MRS2: variants seen among roughly 807,000 people sequenced by gnomAD.
MRS2 encodes magnesium transporter MRS2 homolog, mitochondrial.
MRS2 carries 40 observed loss-of-function variants against 52.6 expected under a neutral mutation model. The observed-to-expected ratio is 0.76, with a 90% CI of 0.59 to 0.99. The LOEUF is 0.99. MRS2 is among the 50% of genes least tolerant of loss of function. MRS2 has a pLI of 0.00. For synonymous variants in MRS2, 193 were observed against 195.9 expected (o/e 0.98, Z 0.13); for missense variants, 472 against 532.7 (o/e 0.89, Z 1.12).
At chr6:24,413,736 A>G (rs1352070091) in intron 5 of MRS2, among the ~76,000 whole-genome samples, 1 of 152,244 alleles carries the variant, frequency 6.6e-6, no homozygotes, top group Non-Finnish European at 1.5e-5. Context: ...TTGTTTCCAA[A>G]TAAAAAAATC....
chr6:24,412,500 C>T (rs1761701121), intron 5 of MRS2, 105 bp downstream of exon 5: 2 of 799,406 alleles, frequency 2.5e-6, no homozygotes, highest in South Asian at 3.0e-5. Context: ...CCCCTGACCA[C>T]ATCCTGCCCC....
intron 10 of MRS2, chr6:24,423,358 T>TTA: frequency 4.1e-6 from 2 of 484,648 alleles, no homozygotes; most frequent in Non-Finnish European, 7.3e-6. Context: ...GGTATAAGGT[T>TTA]TGTCATAACC....
chr6:24,406,104 C>A (rs1286048044), intron 2 of MRS2, among the ~76,000 whole-genome samples: 363 of 102,854 alleles, frequency 3.5e-3, no homozygotes, highest in Middle Eastern at 9.8e-3. Context: ...GACTCCATCT[C>A]AAAAAAAAAA....
At chr6:24,404,671 A>G (rs1561804731) in intron 1 of MRS2, among the ~76,000 whole-genome samples, 1 of 152,220 alleles carries the variant, frequency 6.6e-6, no homozygotes, top group East Asian at 1.9e-4. Flanking sequence ...ACTATAAAGG[A>G]TATCTGTAGA....
chr6:24,409,284 C>CT (rs1761574366), intron 3 of MRS2, among the ~76,000 whole-genome samples, 177 bp from the exon 4 acceptor site: 1 of 152,110 alleles, frequency 6.6e-6, no homozygotes, highest in South Asian at 2.1e-4. Context: ...TAGTTTGACT[C>CT]TATTTAGCCC....
At chr6:24,416,341 G>A in intron 6 of MRS2, 56 bp from the exon 7 acceptor site, 1 of 739,488 alleles carries the variant, frequency 1.4e-6, no homozygotes, top group Admixed American at 2.3e-5. Flanking sequence ...ACACTATTAT[G>A]AAATGTTCTT....
chr6:24,414,058 A>G (rs1761755580), intron 5 of MRS2, among the ~76,000 whole-genome samples: 1 of 152,232 alleles, frequency 6.6e-6, no homozygotes, highest in African/African-American at 2.4e-5. Context: ...CACAGGTATT[A>G]CTGAAAGCTT....
intron 2 of MRS2, 120 bp downstream of exon 2, chr6:24,405,361 G>A: frequency 4.2e-6 from 3 of 715,016 alleles, no homozygotes; most frequent in Non-Finnish European, 4.7e-6. Context: ...ATAGCTACAT[G>A]TCGTGGCTGT....
chr6:24,403,279 C>T (rs1440167310), intron 1 of MRS2, 43 bp downstream of exon 1: 3 of 1,539,638 alleles, frequency 1.9e-6, no homozygotes, highest in Non-Finnish European at 2.6e-6. Flanking sequence ...GCTGGTCTTG[C>T]AGTGACCTTA....
Position 24,418,222 on chromosome 6 carries a change from C to T in MRS2, c.975C>T (p.Phe325=). 1 of 1,609,602 alleles carries T rather than the reference C, an allele frequency of 6.2e-7. No homozygotes were observed. Among genetic ancestry groups the T allele is most frequent in the Non-Finnish European group, 8.5e-7 (1 of 1,178,426 alleles). ...TTGATGATTCACAAAGTATTATTTT[C>T]ATTAATCTGGACAGGTAAGAAAGCA... The part of the protein sequence containing the change: ...VLIDDSQSII[F]INLDSHRNVM... The change falls in exon 8 of 11, where the codon TTC becomes TTT. Residue 325 remains phenylalanine (F), a synonymous_variant. Transcript: ENST00000378386.
At chr6:24,417,731 C>G (rs139658180) in intron 7 of MRS2, among the ~76,000 whole-genome samples, 332 of 152,240 alleles carry the variant, frequency 2.2e-3, no homozygotes, top group African/African-American at 7.4e-3. Flanking sequence ...ATCACAAGGT[C>G]AGGAGTTCGA....
Position 24,423,788 on chromosome 6 carries a change from TGA to T in MRS2, c.*95_*96del. The T allele has an allele frequency of 2.0e-6, 1 of 493,874 alleles. No individual in the cohort carries two copies. Among genetic ancestry groups the T allele is most frequent in the African/African-American group, 2.0e-5 (1 of 51,266 alleles). The allele number at this position is 493,874 out of a possible 1,614,324, so 30.6% of individuals were successfully genotyped here. On this transcript the variant is annotated 3_prime_UTR_variant, in exon 11 of 11. Coordinates refer to ENST00000378386, the MANE Select transcript of MRS2 (RefSeq NM_020662.4). ...ATTTTCTTGTATAGAGTCAGACACT[TGA>T]AAAAAACTAATGTTTGAAGACAAAA...
chr6:24,404,926 A>G (rs962950672), intron 1 of MRS2, among the ~76,000 whole-genome samples: 2 of 152,234 alleles, frequency 1.3e-5, no homozygotes, highest in African/African-American at 4.8e-5. Context: ...GGGTGATTGG[A>G]ATCCATCAGT....
At position 24,423,704 on chromosome 6, in the gene MRS2, C is replaced by A. The variant is rs779571609; in HGVS notation, c.*10C>A. 2 of 1,448,676 alleles carry A rather than the reference C, an allele frequency of 1.4e-6. No homozygotes were observed. The highest frequency in any genetic ancestry group is 1.9e-6 in the Non-Finnish European group (2 of 1,048,126). The allele number at this position is 1,448,676 out of a possible 1,614,324, so 89.7% of individuals were successfully genotyped here. A position where few individuals can be genotyped will look rare whatever the true frequency, so the allele number is the denominator to read the frequency against. ...CCTAACAAACCGTTAGGAACAGCCC[C>A]GTGGATACTGAAGTTTTTTTTATGG... On this transcript the variant is annotated 3_prime_UTR_variant, in exon 11 of 11. Transcript: ENST00000378386.
intron 1 of MRS2, 99 bp downstream of exon 1, chr6:24,403,335 C>T: frequency 2.5e-6 from 3 of 1,217,662 alleles, no homozygotes; most frequent in South Asian, 1.6e-5. Flanking sequence ...TTGCTCCGCG[C>T]CCTCCGCAGG....
chr6:24,403,280 A>C, intron 1 of MRS2, 44 bp downstream of exon 1: 2 of 1,536,958 alleles, frequency 1.3e-6, no homozygotes, highest in South Asian at 1.2e-5. Context: ...CTGGTCTTGC[A>C]GTGACCTTAG....
intron 9 of MRS2, among the ~76,000 whole-genome samples, chr6:24,420,330 A>G (rs1007782214): frequency 6.6e-6 from 1 of 152,018 alleles, no homozygotes; most frequent in African/African-American, 2.4e-5. Context: ...AAATAATCCT[A>G]CCCTTCCATC....
intron 10 of MRS2, 41 bp downstream of exon 10, chr6:24,423,091 A>G: frequency 6.6e-7 from 1 of 1,511,800 alleles, no homozygotes; most frequent in Non-Finnish European, 9.1e-7. Flanking sequence ...TGGAAGGGTT[A>G]TGATCATGGG....
chr6:24,418,603 A>G, intron 9 of MRS2, 25 bp downstream of exon 9: 1 of 1,581,264 alleles, frequency 6.3e-7, no homozygotes, highest in Non-Finnish European at 8.7e-7. Context: ...TTATTTCTAA[A>G]ACTTGGGGGT....
Sources: gnomAD v4.1 joint callset for allele counts (sites outside exome capture counted in the v4.1 genomes callset) on GRCh38, gnomAD v4.1.1 for gene constraint, MANE v1.5 for transcripts, NCBI Gene and HGNC (gene_info 2026-07-23, HGNC 2026-07-21) for gene names.